MEOX2: variants seen among roughly 807,000 people sequenced by gnomAD.
MEOX2 encodes mesenchyme homeobox 2.
MEOX2 carries 11 observed loss-of-function variants against 27.0 expected under a neutral mutation model. The observed-to-expected ratio is 0.41, with a 90% CI of 0.26 to 0.68. MEOX2 has a LOEUF of 0.68. MEOX2 is among the 30% of genes least tolerant of loss of function. The probability of loss-of-function intolerance (pLI) is 0.33; values close to 1 mark genes in which losing one functional copy is unlikely to be tolerated. For missense variants in MEOX2, 436 were observed against 385.4 expected, an observed-to-expected ratio of 1.13 and a Z score of -1.10; for synonymous variants, 189 against 155.4, an observed-to-expected ratio of 1.22 and a Z score of -1.61.
chr7:15,641,007 G>A (rs1259116978), intron 1 of MEOX2, among the ~76,000 whole-genome samples: 1 of 151,924 alleles, frequency 6.6e-6, no homozygotes. Flanking sequence ...TTGTTGTTGT[G>A]GGTTTGCCAT....
At chr7:15,661,650 C>A (rs541454181) in intron 1 of MEOX2, among the ~76,000 whole-genome samples, 45 of 152,236 alleles carry the variant, frequency 3.0e-4, no homozygotes, top group African/African-American at 1.1e-3. Flanking sequence ...CCTTTTATGG[C>A]AAGGCAAACA....
intron 1 of MEOX2, among the ~76,000 whole-genome samples, chr7:15,641,048 A>G (rs1171201346): frequency 1.3e-5 from 2 of 152,068 alleles, no homozygotes; most frequent in Non-Finnish European, 1.5e-5. Flanking sequence ...TGAGTTAGGA[A>G]GGAAACTCTC....
At chr7:15,678,083 T>G (rs1177058120) in intron 1 of MEOX2, among the ~76,000 whole-genome samples, 1 of 152,198 alleles carries the variant, frequency 6.6e-6, no homozygotes, top group East Asian at 1.9e-4. Flanking sequence ...TAGGGATGCC[T>G]AAACTCTGAC....
At chr7:15,685,798 AC>A in intron 1 of MEOX2, 87 bp downstream of exon 1, 1 of 1,483,248 alleles carries the variant, frequency 6.7e-7, no homozygotes, top group Admixed American at 2.2e-5. Context: ...CCCTGCTGCC[AC>A]CCTCCAGTGC....
intron 1 of MEOX2, among the ~76,000 whole-genome samples, chr7:15,659,030 C>T (rs1350642154): frequency 2.0e-5 from 3 of 152,126 alleles, no homozygotes; most frequent in African/African-American, 7.2e-5. Flanking sequence ...GACAGGGTCT[C>T]TCTCTGGCAC....
intron 1 of MEOX2, among the ~76,000 whole-genome samples, chr7:15,642,530 T>C (rs984829578): frequency 2.0e-5 from 3 of 152,190 alleles, no homozygotes; most frequent in Non-Finnish European, 4.4e-5. Flanking sequence ...TTCTGGTTTC[T>C]TTGTGATTAT....
At chr7:15,665,280 T>G (rs533097031) in intron 1 of MEOX2, among the ~76,000 whole-genome samples, 46 of 150,334 alleles carry the variant, frequency 3.1e-4, no homozygotes, top group African/African-American at 1.1e-3. Flanking sequence ...TAAGTTTACC[T>G]TAAAGTATGA....
intron 1 of MEOX2, among the ~76,000 whole-genome samples, chr7:15,647,261 G>A (rs1781665746): frequency 6.6e-6 from 1 of 152,054 alleles, no homozygotes; most frequent in Non-Finnish European, 1.5e-5. Context: ...CATAAAATGA[G>A]TGTTGGAAGA....
At chr7:15,622,017 C>G (rs994973714) in intron 2 of MEOX2, among the ~76,000 whole-genome samples, 5 of 152,042 alleles carry the variant, frequency 3.3e-5, no homozygotes, top group African/African-American at 1.2e-4. Flanking sequence ...ACCAGAGAGA[C>G]TGAGGAAGAG....
chr7:15,639,663 G>C (rs572961676), intron 1 of MEOX2, among the ~76,000 whole-genome samples: 2 of 152,198 alleles, frequency 1.3e-5, no homozygotes, highest in Admixed American at 6.5e-5. Context: ...TAAGGTTCCA[G>C]TTTCATTCTT....
intron 1 of MEOX2, among the ~76,000 whole-genome samples, chr7:15,630,021 C>T (rs1781377805): frequency 6.6e-6 from 1 of 152,060 alleles, no homozygotes; most frequent in Non-Finnish European, 1.5e-5. Context: ...ACACTGCCTT[C>T]CTTTCTTCTC....
intron 2 of MEOX2, among the ~76,000 whole-genome samples, chr7:15,622,969 G>A (rs1781243689): frequency 6.6e-6 from 1 of 152,130 alleles, no homozygotes; most frequent in South Asian, 2.1e-4. Context: ...GAAGAAGTGT[G>A]TGCTCACCAG....
chr7:15,680,310 A>G (rs1361339369), intron 1 of MEOX2: 2 of 151,964 alleles, frequency 1.3e-5, no homozygotes, highest in Non-Finnish European at 2.9e-5. Context: ...ATCTAGTACA[A>G]CATTCTTTAA....
chr7:15,637,954 G>A (rs776792028), intron 1 of MEOX2, among the ~76,000 whole-genome samples: 3 of 152,010 alleles, frequency 2.0e-5, no homozygotes, highest in Admixed American at 2.0e-4. Context: ...AACTTAAAAT[G>A]TACCAGGAGT....
At chr7:15,623,001 T>C (rs908104954) in intron 2 of MEOX2, among the ~76,000 whole-genome samples, 1 of 152,212 alleles carries the variant, frequency 6.6e-6, no homozygotes, top group African/African-American at 2.4e-5. Context: ...GCTGATGCCT[T>C]GATCTTGGAC....
chr7:15,636,342 G>T (rs944528568), intron 1 of MEOX2, among the ~76,000 whole-genome samples: 5 of 151,712 alleles, frequency 3.3e-5, no homozygotes, highest in African/African-American at 9.7e-5. Flanking sequence ...ATTTTGCTTT[G>T]GTTTCAAAGT....
At chr7:15,666,563 GCAA>G (rs1260738753) in intron 1 of MEOX2, among the ~76,000 whole-genome samples, 1 of 150,876 alleles carries the variant, frequency 6.6e-6, no homozygotes, top group Admixed American at 6.6e-5. Context: ...ACCAGCCTGG[GCAA>G]CACGGTGAAA....
At chr7:15,672,720 A>G (rs958798172) in intron 1 of MEOX2, among the ~76,000 whole-genome samples, 71 of 152,058 alleles carry the variant, frequency 4.7e-4, no homozygotes, top group African/African-American at 8.7e-4. Context: ...GTGAAACCCC[A>G]TCTCTACTAA....
intron 1 of MEOX2, among the ~76,000 whole-genome samples, chr7:15,644,822 C>A (rs1052270841): frequency 3.9e-5 from 6 of 152,312 alleles, no homozygotes; most frequent in Middle Eastern, 3.4e-3. Flanking sequence ...CAATTTGCCA[C>A]TTCCCATGAA....
Sources: gnomAD v4.1 joint callset for allele counts (sites outside exome capture counted in the v4.1 genomes callset) on GRCh38, gnomAD v4.1.1 for gene constraint, MANE v1.5 for transcripts, NCBI Gene and HGNC (gene_info 2026-07-23, HGNC 2026-07-21) for gene names.